Variants in KDM7A observed in about 807,000 individuals in gnomAD.
KDM7A encodes the protein lysine-specific demethylase 7A.
In KDM7A, 28 loss-of-function variants were observed where a neutral mutation model predicts 114.8. The ratio of observed to expected loss-of-function variants is 0.24; its 90% confidence interval spans 0.18 to 0.33. KDM7A has a LOEUF of 0.33. Among genes scored for constraint, KDM7A ranks in the 10% least tolerant of loss-of-function variants. KDM7A has a pLI of 1.00. For missense variants in KDM7A, 942 were observed against 1,142.5 expected, an observed-to-expected ratio of 0.82 and a Z score of 2.53; for synonymous variants, 423 against 397.8, an observed-to-expected ratio of 1.06 and a Z score of -0.75.
intron 7 of KDM7A, among the ~76,000 whole-genome samples, chr7:140,123,897 G>A (rs1165087409): frequency 6.6e-6 from 1 of 151,672 alleles, no homozygotes; most frequent in East Asian, 1.9e-4. Context: ...CGTGACACCC[G>A]GTCTCTACTA....
At chr7:140,128,047 T>C (rs1231746176) in intron 4 of KDM7A, among the ~76,000 whole-genome samples, 3 of 152,110 alleles carry the variant, frequency 2.0e-5, no homozygotes, top group Non-Finnish European at 4.4e-5. Context: ...ACATCACTCA[T>C]TGGGGAATTA....
At chr7:140,112,405 C>A (rs190876477) in intron 10 of KDM7A, among the ~76,000 whole-genome samples, 49 of 152,182 alleles carry the variant, frequency 3.2e-4, no homozygotes, top group African/African-American at 1.2e-3. Flanking sequence ...AGGTCAGGAG[C>A]TCAAGACCAG....
chr7:140,156,158 A>T (rs1056302153), intron 1 of KDM7A, among the ~76,000 whole-genome samples: 2 of 152,224 alleles, frequency 1.3e-5, no homozygotes, highest in Non-Finnish European at 2.9e-5. Flanking sequence ...AATTAAAATC[A>T]TATCACAAAT....
At position 140,148,865 on chromosome 7, in the gene KDM7A, G is replaced by C. The variant is rs541967397; in HGVS notation, c.195-9675C>G. 2.0e-5 allele frequency among the ~76,000 whole-genome samples: 3 copies of C among 152,206 alleles called. No individual in the cohort carries two copies. The East Asian group carries it at 5.8e-4, about 29-fold the overall frequency. ...TTTCTTCATAAATTGAATATGGTAT[G>C]TTTCCACTTTTGTGAAGATTATATA... On this transcript the variant is annotated intron_variant, in intron 1 of 19. Coordinates refer to ENST00000397560, the MANE Select transcript of KDM7A (RefSeq NM_030647.2).
At position 140,099,008 on chromosome 7, in the gene KDM7A, G is replaced by C. The variant is rs778976493; in HGVS notation, c.1789C>G (p.Gln597Glu). The C allele has an allele frequency of 5.6e-6, 9 of 1,612,552 alleles. No homozygotes were observed. The highest frequency in any genetic ancestry group is 7.6e-6 in the Non-Finnish European group (9 of 1,179,500). Reference sequence around the variant, plus strand: ...TCACTATCTGCTGTATAAAGACTTTGATCTGCAAAGGGCTGCCTTTCATCT... The same window carrying C: ...TCACTATCTGCTGTATAAAGACTTTCATCTGCAAAGGGCTGCCTTTCATCT... ...IKDERQPFAD[Q>E]SLYTADSENE... The change falls in exon 14 of 20, where the codon CAA becomes GAA. Residue 597 changes from glutamine to glutamate, a missense_variant. By Grantham distance (29) the Gln-to-Glu change is conservative. Coordinates refer to ENST00000397560, the MANE Select transcript of KDM7A (RefSeq NM_030647.2).
At chr7:140,170,725 T>C (rs1794629519) in intron 1 of KDM7A, among the ~76,000 whole-genome samples, 1 of 152,040 alleles carries the variant, frequency 6.6e-6, no homozygotes, top group Non-Finnish European at 1.5e-5. Flanking sequence ...GATATTTATC[T>C]CTCTTTCCCT....
At chr7:140,138,143 AC>A (rs1299788887) in intron 2 of KDM7A, among the ~76,000 whole-genome samples, 1 of 152,044 alleles carries the variant, frequency 6.6e-6, no homozygotes, top group African/African-American at 2.4e-5. Context: ...CCTTGTCTTT[AC>A]AAAATATCAA....
At chr7:140,093,682 A>G (rs1036163126) in intron 18 of KDM7A, among the ~76,000 whole-genome samples, 1 of 152,250 alleles carries the variant, frequency 6.6e-6, no homozygotes, top group African/African-American at 2.4e-5. Flanking sequence ...CTTTCATCAA[A>G]TGCTCAAAGA....
At chr7:140,171,496 A>C (rs559813943) in intron 1 of KDM7A, among the ~76,000 whole-genome samples, 7 of 133,708 alleles carry the variant, frequency 5.2e-5, no homozygotes, top group Non-Finnish European at 1.1e-4. Context: ...TTATATTTAT[A>C]TACATATTTT....
intron 11 of KDM7A, among the ~76,000 whole-genome samples, chr7:140,102,537 T>C (rs1818248938): frequency 6.6e-6 from 1 of 152,160 alleles, no homozygotes; most frequent in Admixed American, 6.5e-5. Context: ...CGCACGCCAC[T>C]GCACCCAGCT....
chr7:140,116,669 G>A (rs1818534729), intron 9 of KDM7A, among the ~76,000 whole-genome samples: 2 of 152,058 alleles, frequency 1.3e-5, no homozygotes, highest in South Asian at 4.1e-4. Context: ...GTGCGTGTGT[G>A]ATCTATATAA....
At chr7:140,098,814 G>C in intron 14 of KDM7A, 65 bp downstream of exon 14, 2 of 1,381,020 alleles carry the variant, frequency 1.4e-6, no homozygotes, top group Non-Finnish European at 1.0e-6. Context: ...AAATTAGCAA[G>C]TTACTTTACA....
intron 1 of KDM7A, among the ~76,000 whole-genome samples, chr7:140,167,787 A>G (rs1373365457): frequency 6.6e-6 from 1 of 152,130 alleles, no homozygotes; most frequent in Non-Finnish European, 1.5e-5. Context: ...TATTTCTTAA[A>G]AAAAATTTTG....
intron 3 of KDM7A, among the ~76,000 whole-genome samples, chr7:140,132,682 GTTCT>G (rs1185712042): frequency 2.6e-5 from 4 of 152,204 alleles, no homozygotes; most frequent in Non-Finnish European, 4.4e-5. Flanking sequence ...TTAAATATGT[GTTCT>G]TTCTGTCTCT....
chr7:140,141,824 G>T (rs1332984631), intron 1 of KDM7A, among the ~76,000 whole-genome samples: 1 of 151,312 alleles, frequency 6.6e-6, no homozygotes, highest in Non-Finnish European at 1.5e-5. Context: ...AACCCAGGAC[G>T]TGGAGGTTGC....
intron 1 of KDM7A, among the ~76,000 whole-genome samples, chr7:140,173,464 A>G (rs933163965): frequency 1.3e-5 from 2 of 152,192 alleles, no homozygotes; most frequent in Non-Finnish European, 2.9e-5. Flanking sequence ...TTAGGGCAAC[A>G]ACTTTTCAGA....
At chr7:140,106,512 A>T (rs574881525) in intron 11 of KDM7A, among the ~76,000 whole-genome samples, 5 of 152,222 alleles carry the variant, frequency 3.3e-5, no homozygotes, top group Admixed American at 3.3e-4. Flanking sequence ...GTTTCAAAGA[A>T]CATCCTTATT....
intron 1 of KDM7A, among the ~76,000 whole-genome samples, chr7:140,172,653 A>C (rs1794659083): frequency 7.0e-6 from 1 of 143,622 alleles, no homozygotes; most frequent in South Asian, 2.1e-4. Context: ...ACTCCGTCTC[A>C]AAAAAAAAAA....
chr7:140,102,363 A>G (rs1269424590), intron 11 of KDM7A, among the ~76,000 whole-genome samples: 1 of 151,294 alleles, frequency 6.6e-6, no homozygotes, highest in African/African-American at 2.4e-5. Context: ...TACTGTGAAC[A>G]TACTTCCTTG....
Sources: allele counts gnomAD v4.1 joint callset (sites outside exome capture counted in the v4.1 genomes callset), GRCh38; gene constraint gnomAD v4.1.1; transcripts MANE v1.5; gene names NCBI Gene and HGNC (gene_info 2026-07-23, HGNC 2026-07-21).